CIB4: variants seen among roughly 807,000 people sequenced by gnomAD.
CIB4 encodes the protein calcium and integrin binding family member 4.
A neutral mutation model predicts 25.8 loss-of-function variants in CIB4; 25 were observed. The ratio of observed to expected loss-of-function variants is 0.97; its 90% CI spans 0.71 to 1.35. CIB4 has a LOEUF of 1.35. Among genes scored for constraint, CIB4 ranks in the 40% most tolerant of loss-of-function variants. CIB4 has a pLI of 0.00. For synonymous variants in CIB4, 75 were observed against 81.4 expected, an observed-to-expected ratio of 0.92 and a Z score of 0.42; for missense variants, 235 against 228.2, an observed-to-expected ratio of 1.03 and a Z score of -0.19.
At chr2:26,640,437 C>A (rs1207137292) in intron 2 of CIB4, 96 bp downstream of exon 2, 4 of 1,354,998 alleles carry the variant, frequency 3.0e-6, no homozygotes, top group Non-Finnish European at 2.1e-6. Context: ...TGAGCAGGGA[C>A]CACACTCAGG....
chr2:26,621,249 C>A, intron 3 of CIB4, among the ~76,000 whole-genome samples: 2 of 67,340 alleles, frequency 3.0e-5, no homozygotes, highest in East Asian at 8.1e-4. Flanking sequence ...TACAAGTTTC[C>A]AGGAAAAAAA....
chr2:26,605,826 A>G (rs1333189030), intron 3 of CIB4, among the ~76,000 whole-genome samples: 6 of 152,240 alleles, frequency 3.9e-5, no homozygotes, highest in Admixed American at 3.9e-4. Context: ...AAGGAAAGCA[A>G]CTAGCCAAAC....
intron 3 of CIB4, among the ~76,000 whole-genome samples, chr2:26,597,949 C>G (rs1668710811): frequency 6.6e-6 from 1 of 151,600 alleles, no homozygotes; most frequent in South Asian, 2.1e-4. Flanking sequence ...CAAGCAGTGG[C>G]CATTAAAATA....
chr2:26,608,561 C>G (rs193076936), intron 3 of CIB4, among the ~76,000 whole-genome samples: 102 of 152,286 alleles, frequency 6.7e-4, no homozygotes, highest in Non-Finnish European at 1.3e-3. Context: ...CTCCCAGGGC[C>G]ACTAAATGGC....
intron 2 of CIB4, among the ~76,000 whole-genome samples, chr2:26,638,664 A>C (rs1230526035): frequency 6.6e-6 from 1 of 152,168 alleles, no homozygotes; most frequent in Non-Finnish European, 1.5e-5. Context: ...CGAAGTTCTA[A>C]AATGTAGGCC....
rs1050681874 is a variant in CIB4, at chr2:26,627,586, C to T, written c.186+1824G>A. 2.6e-5 allele frequency among the ~76,000 whole-genome samples: 4 copies of T among 152,158 alleles called. No individual in the cohort carries two copies. The highest frequency in any genetic ancestry group is 6.5e-5 in the Admixed American group (1 of 15,282). On this transcript the variant is annotated intron_variant, in intron 3 of 6. Coordinates refer to ENST00000288861, the MANE Select transcript of CIB4 (RefSeq NM_001029881.3). This position sits in a 1 kb window ranked among gnomAD's most constrained non-coding sequence, Gnocchi z 4.0. ...ACCCACATGTGGTGGAGCCCATGCA[C>T]GTGTACACATGGGGTGTGACTGTAT...
At chr2:26,615,414 C>A (rs1731241) in intron 3 of CIB4, among the ~76,000 whole-genome samples, 1 of 151,954 alleles carries the variant, frequency 6.6e-6, no homozygotes, top group Non-Finnish European at 1.5e-5. Context: ...CCTGGGAGAG[C>A]GGCTGCCATC....
chr2:26,586,995 G>A (rs1668469947), intron 4 of CIB4, among the ~76,000 whole-genome samples: 1 of 152,092 alleles, frequency 6.6e-6, no homozygotes, highest in Non-Finnish European at 1.5e-5. Flanking sequence ...GAGAGCTTTA[G>A]AATAGGTAAC....
intron 2 of CIB4, among the ~76,000 whole-genome samples, chr2:26,630,813 G>A (rs1669403265): frequency 6.6e-6 from 1 of 151,982 alleles, no homozygotes; most frequent in East Asian, 1.9e-4. Flanking sequence ...TGTTACCCGG[G>A]GCCTCAGAGG....
intron 3 of CIB4, among the ~76,000 whole-genome samples, chr2:26,621,252 G>GAAAAA (rs10689851): frequency 1.2e-4 from 12 of 101,916 alleles, no homozygotes; most frequent in African/African-American, 4.8e-4. Context: ...AAGTTTCCAG[G>GAAAAA]AAAAAAAAAA....
chr2:26,621,252 GAA>G (rs10689851), intron 3 of CIB4, among the ~76,000 whole-genome samples: 3 of 101,910 alleles, frequency 2.9e-5, no homozygotes, highest in African/African-American at 4.0e-5. Flanking sequence ...AAGTTTCCAG[GAA>G]AAAAAAAAAA....
At chr2:26,613,376 G>C (rs1319342955) in intron 3 of CIB4, among the ~76,000 whole-genome samples, 1 of 152,160 alleles carries the variant, frequency 6.6e-6, no homozygotes, top group Non-Finnish European at 1.5e-5. Context: ...TGCAGGTGGA[G>C]CACCCCAGTT....
Position 26,589,096 on chromosome 2 carries a change from TTCTTCTTCTTCC to T in CIB4, c.329-5210_329-5199del, listed in dbSNP as rs1489372885. ...CCTCTTCTTCTTCTTCTTCTTCTTCTTCTTCTTCTTCCTCTTCTTCTTCTTCTTCTTCTTCTT... is the reference window on the plus strand; with the variant it reads ...CCTCTTCTTCTTCTTCTTCTTCTTCTTCTTCTTCTTCTTCTTCTTCTTCTT... On this transcript the variant is annotated intron_variant, in intron 4 of 6. Coordinates refer to ENST00000288861, the MANE Select transcript of CIB4 (RefSeq NM_001029881.3). Among the ~76,000 whole-genome samples, 73 of 61,152 alleles carry T rather than the reference TTCTTCTTCTTCC, an allele frequency of 1.2e-3. 6 individuals carry two copies. Among genetic ancestry groups the T allele is most frequent in the African/African-American group, 3.1e-3 (47 of 15,354 alleles). The allele number at this position is 61,152 out of a possible 152,430, so 40.1% of individuals were successfully genotyped here.
chr2:26,608,652 G>A (rs1469590833), intron 3 of CIB4, among the ~76,000 whole-genome samples: 2 of 152,146 alleles, frequency 1.3e-5, no homozygotes, highest in African/African-American at 2.4e-5. Flanking sequence ...ACCCAACAGG[G>A]GTGGCGATGC....
At position 26,591,188 on chromosome 2, in the gene CIB4, A is replaced by G. The variant is rs142095101; in HGVS notation, c.328+3988T>C. Among the ~76,000 whole-genome samples, 177 of 152,352 alleles carry G rather than the reference A, an allele frequency of 1.2e-3. 1 individual carries two copies. Among genetic ancestry groups the G allele is most frequent in the African/African-American group, 4.0e-3 (167 of 41,584 alleles). Reference sequence around the variant, plus strand: ...ACCCCAGTGGCAGGCCTCTGGAGCCATGCTTGTTTCACAACTCTGCTTCTT... The same window carrying G: ...ACCCCAGTGGCAGGCCTCTGGAGCCGTGCTTGTTTCACAACTCTGCTTCTT... On this transcript the variant is annotated intron_variant, in intron 4 of 6. Transcript: ENST00000288861.
At chr2:26,585,405 C>T (rs1279684153) in intron 4 of CIB4, among the ~76,000 whole-genome samples, 1 of 152,042 alleles carries the variant, frequency 6.6e-6, no homozygotes, top group Admixed American at 6.5e-5. Context: ...GTCTGGAAGG[C>T]AGGCCGAGCT....
At chr2:26,633,922 T>A (rs913636872) in intron 2 of CIB4, among the ~76,000 whole-genome samples, 1 of 152,070 alleles carries the variant, frequency 6.6e-6, no homozygotes, top group African/African-American at 2.4e-5. Context: ...GAAATTAGAG[T>A]CCCAGCATCC....
At position 26,594,129 on chromosome 2, in the gene CIB4, T is replaced by C. The variant is rs75557966; in HGVS notation, c.328+1047A>G. On this transcript the variant is annotated intron_variant, in intron 4 of 6. Coordinates refer to ENST00000288861, the MANE Select transcript of CIB4 (RefSeq NM_001029881.3). ...GTTTCCTTCTTCCAGGCATCAGATC[T>C]CTCTAGAACACATCTCGCTTTTGGT... is the stretch of plus-strand genomic sequence containing the variant. Among the ~76,000 whole-genome samples, 1,256 of 152,314 alleles carry C rather than the reference T, an allele frequency of 8.2e-3. 78 individuals carry two copies. The East Asian group carries it at 0.16, about 20-fold the overall frequency.
intron 3 of CIB4, among the ~76,000 whole-genome samples, chr2:26,610,392 C>T (rs1432137273): frequency 6.6e-6 from 1 of 152,376 alleles, no homozygotes; most frequent in Non-Finnish European, 1.5e-5. Flanking sequence ...CACTGCCCCA[C>T]GCTCAGTGAC....
Sources: gnomAD v4.1 joint callset for allele counts (sites outside exome capture counted in the v4.1 genomes callset) on GRCh38, gnomAD v4.1.1 for gene constraint, Gnocchi (gnomAD v3.1) non-coding constraint, MANE v1.5 for transcripts, NCBI Gene and HGNC (gene_info 2026-07-23, HGNC 2026-07-21) for gene names.